MDGA2: variants seen among roughly 807,000 people sequenced by gnomAD.
MDGA2 encodes the protein MAM domain-containing glycosylphosphatidylinositol anchor protein 2.
A neutral mutation model predicts 117.8 loss-of-function variants in MDGA2; 40 were observed. The observed-to-expected ratio is 0.34, with a 90% confidence interval of 0.26 to 0.44. The LOEUF is 0.44. Among genes scored for constraint, MDGA2 ranks in the 20% least tolerant of loss-of-function variants. The pLI is 1.00. For missense variants in MDGA2, 1,123 were observed against 1,250.6 expected (o/e 0.90, Z 1.54); for synonymous variants, 452 against 439.0 (o/e 1.03, Z -0.37).
intron 3 of MDGA2, among the ~76,000 whole-genome samples, chr14:47,178,989 G>C (rs777070412): frequency 3.3e-5 from 5 of 152,046 alleles, no homozygotes; most frequent in African/African-American, 4.8e-5. Context: ...GGGAGTACTG[G>C]TCTTAAAAGC....
At chr14:47,559,047 A>C (rs1895742386) in intron 1 of MDGA2, among the ~76,000 whole-genome samples, 1 of 152,224 alleles carries the variant, frequency 6.6e-6, no homozygotes, top group African/African-American at 2.4e-5. Flanking sequence ...TAAAACATTA[A>C]TCAATAAGAC....
intron 1 of MDGA2, among the ~76,000 whole-genome samples, chr14:47,461,269 ATG>A (rs55889646): frequency 2.0e-4 from 29 of 142,940 alleles, no homozygotes; most frequent in African/African-American, 4.4e-4. Context: ...AAAAAAATGT[ATG>A]TGTGTGTGTG....
intron 4 of MDGA2, among the ~76,000 whole-genome samples, chr14:47,132,648 A>G (rs1882261123): frequency 6.6e-6 from 1 of 151,926 alleles, no homozygotes; most frequent in Non-Finnish European, 1.5e-5. Context: ...CCCAATTCAA[A>G]TTAGGTCCCC....
At chr14:47,100,964 G>A (rs1445928207) in intron 5 of MDGA2, among the ~76,000 whole-genome samples, 2 of 151,996 alleles carry the variant, frequency 1.3e-5, no homozygotes, top group Non-Finnish European at 2.9e-5. Context: ...GAAGGCACAG[G>A]TCATGATAGA....
At chr14:47,394,167 G>A (rs1382505876) in intron 1 of MDGA2, among the ~76,000 whole-genome samples, 2 of 151,980 alleles carry the variant, frequency 1.3e-5, no homozygotes, top group Non-Finnish European at 2.9e-5. Context: ...GTTAGCATGT[G>A]GCATTCCTTT....
intron 1 of MDGA2, among the ~76,000 whole-genome samples, chr14:47,498,833 C>CAT (rs887893766): frequency 1.5e-4 from 23 of 151,998 alleles, no homozygotes; most frequent in Admixed American, 5.2e-4. Flanking sequence ...CAGTTTTTGG[C>CAT]ATATATATAT....
At chr14:47,231,825 A>G (rs1886703069) in intron 2 of MDGA2, among the ~76,000 whole-genome samples, 1 of 152,014 alleles carries the variant, frequency 6.6e-6, no homozygotes, top group Non-Finnish European at 1.5e-5. Context: ...TTCTGAAAAC[A>G]GAGTGTTCTT....
chr14:46,854,885 A>G (rs537458908), intron 15 of MDGA2, 139 bp downstream of exon 15: 2 of 710,936 alleles, frequency 2.8e-6, no homozygotes, highest in East Asian at 6.3e-5. Context: ...TTAGAACTAA[A>G]GCAAAACCTA....
Position 47,105,927 on chromosome 14 carries a change from C to T in MDGA2, c.926-8804G>A, listed in dbSNP as rs1880640972. ...CTCCACCCTATAATCTTTTTATCAC[C>T]TCCCCTCCTCACACCTGGTCCGGCT... On this transcript the variant is annotated intron_variant, in intron 5 of 16. Transcript: ENST00000399232. Among the ~76,000 whole-genome samples the T allele has an allele frequency of 4.7e-5, 7 of 148,744 alleles. No individual in the cohort carries two copies. The South Asian group carries it at 1.5e-3, about 32-fold the overall frequency.
intron 4 of MDGA2, among the ~76,000 whole-genome samples, chr14:47,142,751 G>A (rs1882776770): frequency 6.6e-6 from 1 of 152,138 alleles, no homozygotes; most frequent in South Asian, 2.1e-4. Context: ...CCTGCTGGCA[G>A]AGAACACTTA....
intron 8 of MDGA2, among the ~76,000 whole-genome samples, chr14:47,023,414 A>G (rs1157251997): frequency 6.6e-6 from 1 of 152,158 alleles, no homozygotes; most frequent in Non-Finnish European, 1.5e-5. Flanking sequence ...AAGGAGTACT[A>G]CTAACATTGT....
At chr14:47,179,866 A>C (rs1206323878) in intron 3 of MDGA2, among the ~76,000 whole-genome samples, 1 of 152,126 alleles carries the variant, frequency 6.6e-6, no homozygotes, top group African/African-American at 2.4e-5. Flanking sequence ...TATCTTTTTT[A>C]GAACTAAATT....
chr14:47,675,029 G>T lies in MDGA2; in HGVS notation c.-233C>A. The stretch of plus-strand genomic sequence containing the variant: ...GGCGCGCTGGGCCGGCGGCGGGCGC[G>T]GGCAGGGGGCCGGGGGTGCCGCGCG... On this transcript the variant is annotated 5_prime_UTR_variant, in exon 1 of 17. Transcript: ENST00000399232. The T allele has an allele frequency of 4.7e-6, 1 of 212,538 alleles. No individual in the cohort carries two copies. The highest frequency in any genetic ancestry group is 9.1e-6 in the Non-Finnish European group (1 of 109,440). The allele number at this position is 212,538 out of a possible 1,614,324, so 13.2% of individuals were successfully genotyped here.
At chr14:47,372,353 T>C (rs770922884) in intron 1 of MDGA2, among the ~76,000 whole-genome samples, 9 of 151,828 alleles carry the variant, frequency 5.9e-5, no homozygotes, top group Non-Finnish European at 1.2e-4. Context: ...ATTCCTAATA[T>C]GTAAAGAGCT....
intron 9 of MDGA2, among the ~76,000 whole-genome samples, chr14:46,953,550 G>C (rs1421589562): frequency 6.6e-6 from 1 of 151,822 alleles, no homozygotes; most frequent in East Asian, 1.9e-4. Context: ...AAATGCATAT[G>C]CTTAGACTAT....
chr14:47,127,003 C>A (rs1881937092), intron 5 of MDGA2, among the ~76,000 whole-genome samples: 1 of 152,078 alleles, frequency 6.6e-6, no homozygotes, highest in African/African-American at 2.4e-5. Flanking sequence ...ACCAAAAGTA[C>A]ATTGATTAGC....
At chr14:47,190,771 A>G (rs1404823201) in intron 3 of MDGA2, among the ~76,000 whole-genome samples, 7 of 152,178 alleles carry the variant, frequency 4.6e-5, no homozygotes, top group Admixed American at 4.6e-4. Flanking sequence ...GTAGCTCACT[A>G]TGGAACTACC....
At chr14:47,464,353 G>A (rs1050125445) in intron 1 of MDGA2, among the ~76,000 whole-genome samples, 1 of 152,046 alleles carries the variant, frequency 6.6e-6, no homozygotes, top group Non-Finnish European at 1.5e-5. Context: ...TCAGACAAGA[G>A]AAAGAAATAA....
At chr14:47,422,860 C>T (rs1594849439) in intron 1 of MDGA2, among the ~76,000 whole-genome samples, 1 of 152,074 alleles carries the variant, frequency 6.6e-6, no homozygotes, top group Admixed American at 6.6e-5. Flanking sequence ...ATTCTATACA[C>T]TCGAAACCCT....
Sources: gnomAD v4.1 joint callset for allele counts (sites outside exome capture counted in the v4.1 genomes callset) on GRCh38, gnomAD v4.1.1 for gene constraint, MANE v1.5 for transcripts, NCBI Gene and HGNC (gene_info 2026-07-23, HGNC 2026-07-21) for gene names.